Variants in NEURL1 observed in about 807,000 individuals in gnomAD.
NEURL1 encodes E3 ubiquitin-protein ligase NEURL1.
In NEURL1, 26 loss-of-function variants were observed where a neutral mutation model predicts 41.2. The observed-to-expected ratio is 0.63, with a 90% CI of 0.46 to 0.87. The LOEUF (loss-of-function observed/expected upper bound fraction) is 0.87. Among genes scored for constraint, NEURL1 ranks in the 40% least tolerant of loss-of-function variants. NEURL1 has a pLI of 0.00. For missense variants in NEURL1, 761 were observed against 871.1 expected (o/e 0.87, Z 1.59); for synonymous variants, 400 against 402.3 (o/e 0.99, Z 0.07).
intron 1 of NEURL1, among the ~76,000 whole-genome samples, chr10:103,560,739 G>A (rs937406090): frequency 5.3e-5 from 8 of 152,168 alleles, no homozygotes; most frequent in African/African-American, 1.7e-4. Context: ...GCTGGAGCCC[G>A]TGGAGGAACC....
chr10:103,577,031 A>C (rs908416366), intron 3 of NEURL1, among the ~76,000 whole-genome samples: 1 of 152,210 alleles, frequency 6.6e-6, no homozygotes, highest in Non-Finnish European at 1.5e-5. Flanking sequence ...ATTTACCCTC[A>C]GCTGTGGCTG....
chr10:103,505,806 C>G (rs985134141), intron 1 of NEURL1, among the ~76,000 whole-genome samples: 12 of 152,248 alleles, frequency 7.9e-5, no homozygotes, highest in African/African-American at 2.9e-4. Flanking sequence ...TACAGCAGGG[C>G]TGAGCCCTGG....
At chr10:103,580,378 C>T (rs1417880363) in intron 3 of NEURL1, among the ~76,000 whole-genome samples, 1 of 152,230 alleles carries the variant, frequency 6.6e-6, no homozygotes, top group Non-Finnish European at 1.5e-5. Flanking sequence ...TTGTTGCTTC[C>T]GAATGTGGGG....
intron 3 of NEURL1, among the ~76,000 whole-genome samples, chr10:103,575,917 C>T (rs936242212): frequency 9.9e-5 from 15 of 152,254 alleles, no homozygotes; most frequent in African/African-American, 3.4e-4. Flanking sequence ...CTCCTTGCTC[C>T]TCTCAGAAAT....
In NEURL1 at chr10:103,558,802, C is replaced by A. The variant is rs2035218967; in HGVS notation, c.86-12070C>A. On this transcript the variant is annotated intron_variant, in intron 1 of 5. Transcript: ENST00000369780. This position sits in a 1 kb window ranked among gnomAD's most constrained non-coding sequence, Gnocchi z 4.2. Reference sequence around the variant, plus strand: ...CTCTGCCGTCCTCTCTTCTTCCTTTCCCCCCACTTCCTCCTTCACCTCCCT... The same window carrying A: ...CTCTGCCGTCCTCTCTTCTTCCTTTACCCCCACTTCCTCCTTCACCTCCCT... 6.6e-6 allele frequency among the ~76,000 whole-genome samples: 1 copy of A among 151,858 alleles called. No individual in the cohort carries two copies. Among genetic ancestry groups the A allele is most frequent in the Non-Finnish European group, 1.5e-5 (1 of 67,914 alleles).
rs184290175 is a variant in NEURL1 at position 103,522,204 on chromosome 10, G to A, written c.85+27732G>A. On this transcript the variant is annotated intron_variant, in intron 1 of 5. Coordinates refer to ENST00000369780, the MANE Select transcript of NEURL1 (RefSeq NM_004210.5). ...ATTCTTCACTTGCTTCAGGCCATCCGGATGTTTACGTGCAGGTCACAGGGG... is the reference window on the plus strand; with the variant it reads ...ATTCTTCACTTGCTTCAGGCCATCCAGATGTTTACGTGCAGGTCACAGGGG... Among the ~76,000 whole-genome samples the A allele has an allele frequency of 5.1e-4, 77 of 152,258 alleles. 1 individual carries two copies. In the East Asian group the frequency reaches 6.4e-3, roughly 13 times the overall value.
At position 103,558,315 on chromosome 10, in the gene NEURL1, GT is replaced by G. The variant is rs2035203681; in HGVS notation, c.86-12556del. ...TGTGTGTCGGGGGTCATCTAATTGTGTGTTTTGTTTGTGGACGTGTTTTGGC... is the reference window on the plus strand; with the variant it reads ...TGTGTGTCGGGGGTCATCTAATTGTGGTTTTGTTTGTGGACGTGTTTTGGC... On this transcript the variant is annotated intron_variant, in intron 1 of 5. Transcript: ENST00000369780. The surrounding 1 kb of genome is among the most constrained non-coding windows in gnomAD (Gnocchi z 4.2). 1 of 946,416 alleles carries G rather than the reference GT, an allele frequency of 1.1e-6. No homozygotes were observed. Among genetic ancestry groups the G allele is most frequent in the African/African-American group, 1.8e-5 (1 of 56,380 alleles). The allele number at this position is 946,416 out of a possible 1,614,324, so 58.6% of individuals were successfully genotyped here.
intron 1 of NEURL1, among the ~76,000 whole-genome samples, chr10:103,503,959 TTTTATTTATTTATTTA>T (rs56135179): frequency 1.2e-3 from 164 of 136,096 alleles, no homozygotes; most frequent in African/African-American, 3.5e-3. Flanking sequence ...CTGGCTAGTA[TTTTATTTATTTATTTA>T]TTTATTTATT....
Position 103,558,503 on chromosome 10 carries a change from CTGTGTGTGTGTGTGTGTGTGTGTG to C in NEURL1, c.86-12347_86-12324del, listed in dbSNP as rs3068767. Among the ~76,000 whole-genome samples the C allele has an allele frequency of 8.3e-5, 11 of 131,996 alleles. No homozygotes were observed. The South Asian group carries it at 2.0e-3, about 24-fold the overall frequency. 86.6% of individuals were successfully genotyped at this position (131,996 alleles called of 152,430 possible). ...GTGGTACTCTGTGCCTGTGCCATGC[CTGTGTGTGTGTGTGTGTGTGTGTG>C]TGTGTGTGTGTGTGTGTGTGTAGTG... On this transcript the variant is annotated intron_variant, in intron 1 of 5. Transcript: ENST00000369780. This position sits in a 1 kb window ranked among gnomAD's most constrained non-coding sequence, Gnocchi z 4.2.
intron 3 of NEURL1, among the ~76,000 whole-genome samples, chr10:103,576,884 C>T (rs1344022378): frequency 3.3e-5 from 5 of 152,130 alleles, no homozygotes; most frequent in Admixed American, 3.3e-4. Flanking sequence ...GTGGGTTCTC[C>T]AGGCCCCCTG....
intron 1 of NEURL1, among the ~76,000 whole-genome samples, chr10:103,544,112 G>A (rs138807198): frequency 6.4e-4 from 98 of 152,302 alleles, no homozygotes; most frequent in African/African-American, 2.3e-3. Context: ...TGGAATGATT[G>A]TCCAGAGCAG....
chr10:103,579,668 A>C (rs1279155975), intron 3 of NEURL1, among the ~76,000 whole-genome samples: 1 of 152,174 alleles, frequency 6.6e-6, no homozygotes, highest in East Asian at 1.9e-4. Context: ...CGGGGCAGGC[A>C]TGGTGGCTCA....
chr10:103,555,647 C>G (rs1410452298), intron 1 of NEURL1, among the ~76,000 whole-genome samples: 1 of 152,088 alleles, frequency 6.6e-6, no homozygotes, highest in Non-Finnish European at 1.5e-5. Flanking sequence ...CGCCCTCCCA[C>G]TGATGGTGGG....
intron 3 of NEURL1, among the ~76,000 whole-genome samples, chr10:103,576,973 G>A (rs1280238090): frequency 6.6e-6 from 1 of 152,098 alleles, no homozygotes; most frequent in Non-Finnish European, 1.5e-5. Flanking sequence ...ATCCCCAGCC[G>A]AGGACCACAC....
In NEURL1 at chr10:103,547,684, T is replaced by C. The variant is rs533974888; in HGVS notation, c.86-23188T>C. On this transcript the variant is annotated intron_variant, in intron 1 of 5. Coordinates refer to ENST00000369780, the MANE Select transcript of NEURL1 (RefSeq NM_004210.5). ...CGTAGGCTGAGCCGTGGGGCTAAAG[T>C]TGTATATGTGAATGTGAGTGTGAGT... Among the ~76,000 whole-genome samples the C allele has an allele frequency of 3.3e-5, 5 of 152,086 alleles. 1 individual carries two copies. In the East Asian group the frequency reaches 7.7e-4, roughly 24 times the overall value.
chr10:103,592,496 C>T lies in NEURL1; in HGVS notation c.*2124C>T, dbSNP rs2036073618. ...GTCAGTGCAGGGGTGGCTGCTGCTT[C>T]CCTTGTGCACTTGGGTCGCTGTGAT... On this transcript the variant is annotated 3_prime_UTR_variant, in exon 6 of 6. Coordinates refer to ENST00000369780, the MANE Select transcript of NEURL1 (RefSeq NM_004210.5). The surrounding 1 kb of genome is among the most constrained non-coding windows in gnomAD (Gnocchi z 4.8). The T allele has an allele frequency of 1.3e-5, 2 of 152,734 alleles. No homozygotes were observed. The highest frequency in any genetic ancestry group is 6.5e-5 in the Admixed American group (1 of 15,290). The allele number at this position is 152,734 out of a possible 1,614,324, so 9.5% of individuals were successfully genotyped here. A position where few individuals can be genotyped will look rare whatever the true frequency, so the allele number is the denominator to read the frequency against.
At chr10:103,511,286 G>A (rs542654774) in intron 1 of NEURL1, among the ~76,000 whole-genome samples, 4 of 152,164 alleles carry the variant, frequency 2.6e-5, no homozygotes, top group African/African-American at 9.6e-5. Flanking sequence ...GGGTCTGCAG[G>A]GACCCCCAGG....
chr10:103,583,434 A>G (rs1190890258), intron 3 of NEURL1, among the ~76,000 whole-genome samples: 2 of 152,152 alleles, frequency 1.3e-5, no homozygotes, highest in East Asian at 3.8e-4. Flanking sequence ...AAAAGTAACC[A>G]GCTGGGTGTG....
At chr10:103,519,612 T>C (rs962652991) in intron 1 of NEURL1, among the ~76,000 whole-genome samples, 6 of 152,152 alleles carry the variant, frequency 3.9e-5, no homozygotes, top group African/African-American at 1.4e-4. Context: ...TCTAGTTCCC[T>C]CCATAGAGAT....
Sources: allele counts gnomAD v4.1 joint callset (sites outside exome capture counted in the v4.1 genomes callset), GRCh38; gene constraint gnomAD v4.1.1; non-coding constraint Gnocchi (gnomAD v3.1); transcripts MANE v1.5; gene names NCBI Gene and HGNC (gene_info 2026-07-23, HGNC 2026-07-21).